The following ST3GAL1 variants were observed in gnomAD, a reference collection of about 807,000 sequenced individuals.
The protein encoded by ST3GAL1 is ST3 beta-galactoside alpha-2,3-sialyltransferase 1.
In ST3GAL1, 16 loss-of-function variants were observed where a neutral mutation model predicts 34.1. That is an observed-to-expected ratio of 0.47 (90% CI 0.32 to 0.71). The LOEUF is 0.71. ST3GAL1 is among the 30% of genes least tolerant of loss of function. ST3GAL1 has a pLI of 0.04. For synonymous variants in ST3GAL1, 191 were observed against 184.7 expected, an observed-to-expected ratio of 1.03 and a Z score of -0.28; for missense variants, 353 against 447.4, an observed-to-expected ratio of 0.79 and a Z score of 1.90.
intron 1 of ST3GAL1, among the ~76,000 whole-genome samples, chr8:133,565,662 C>T (rs1291916182): frequency 2.0e-5 from 3 of 152,214 alleles, no homozygotes; most frequent in Non-Finnish European, 4.4e-5. Flanking sequence ...AAAGTAGATG[C>T]TACTAAAATT....
At position 133,547,716 on chromosome 8, in the gene ST3GAL1, C is replaced by T. The variant is rs140558735; in HGVS notation, c.-581-1790G>A. On this transcript the variant is annotated intron_variant, in intron 1 of 9. Transcript: ENST00000522652. ...GAAATCATAAATGTCTGTTTGTAGG[C>T]ACTGGGGTTTGGGGCTGTTTGTTAT... 7.3e-3 allele frequency among the ~76,000 whole-genome samples: 1,114 copies of T among 152,324 alleles called. 9 individuals carry two copies. Among genetic ancestry groups the T allele is most frequent in the Middle Eastern group, 0.034 (10 of 294 alleles).
At chr8:133,531,806 TAAAAACAGA>T (rs757618651) in intron 2 of ST3GAL1, among the ~76,000 whole-genome samples, 84 of 105,064 alleles carry the variant, frequency 8.0e-4, no homozygotes, top group East Asian at 1.8e-3. Context: ...TCCCGAAACT[TAAAAACAGA>T]AAAAAAAAAA....
intron 3 of ST3GAL1, among the ~76,000 whole-genome samples, chr8:133,490,659 G>A (rs145584033): frequency 3.0e-3 from 453 of 152,360 alleles, no homozygotes; most frequent in African/African-American, 9.6e-3. Context: ...TGATGATGGA[G>A]ACGCTGGTAT....
chr8:133,463,140 C>T (rs1327144795), intron 8 of ST3GAL1, among the ~76,000 whole-genome samples: 1 of 152,240 alleles, frequency 6.6e-6, no homozygotes, highest in Non-Finnish European at 1.5e-5. Context: ...GAATGCGGGG[C>T]AGCCAGGGTT....
intron 2 of ST3GAL1, among the ~76,000 whole-genome samples, chr8:133,544,925 G>T (rs140812821): frequency 1.3e-3 from 204 of 152,276 alleles, no homozygotes; most frequent in African/African-American, 4.7e-3. Context: ...CTGCAGTGAT[G>T]GCAATCATGC....
chr8:133,497,456 A>ATTT (rs1159737986), intron 3 of ST3GAL1, among the ~76,000 whole-genome samples: 14 of 20,430 alleles, frequency 6.9e-4, no homozygotes, highest in Non-Finnish European at 1.2e-3. Flanking sequence ...TTTTGTTGGA[A>ATTT]TTTTTTTTTT....
At chr8:133,550,648 T>C (rs1242873256) in intron 1 of ST3GAL1, among the ~76,000 whole-genome samples, 1 of 152,232 alleles carries the variant, frequency 6.6e-6, no homozygotes, top group Non-Finnish European at 1.5e-5. Flanking sequence ...AGCAGGGAAC[T>C]GCTGGGCTTA....
At chr8:133,534,340 T>C (rs181073666) in intron 2 of ST3GAL1, among the ~76,000 whole-genome samples, 141 of 151,054 alleles carry the variant, frequency 9.3e-4, no homozygotes, top group African/African-American at 3.1e-3. Flanking sequence ...ACATATATTA[T>C]ATAATATTAT....
At chr8:133,546,182 A>G (rs1443308618) in intron 1 of ST3GAL1, among the ~76,000 whole-genome samples, 1 of 152,208 alleles carries the variant, frequency 6.6e-6, no homozygotes, top group South Asian at 2.1e-4. Flanking sequence ...AGAAAAATAC[A>G]CAAACAATTC....
At chr8:133,516,436 A>G (rs1483180970) in intron 2 of ST3GAL1, among the ~76,000 whole-genome samples, 1 of 152,170 alleles carries the variant, frequency 6.6e-6, no homozygotes, top group Non-Finnish European at 1.5e-5. Flanking sequence ...ATTCCTTTAC[A>G]GCAATGCAGA....
intron 1 of ST3GAL1, among the ~76,000 whole-genome samples, chr8:133,549,532 ACT>A (rs1324762086): frequency 5.3e-5 from 8 of 152,094 alleles, no homozygotes; most frequent in African/African-American, 1.4e-4. Flanking sequence ...AAAGCCTAAG[ACT>A]CTTCATGAAG....
intron 8 of ST3GAL1, 111 bp downstream of exon 8, chr8:133,463,303 C>T (rs902721588): frequency 2.0e-5 from 25 of 1,235,358 alleles, no homozygotes; most frequent in Non-Finnish European, 2.5e-5. Flanking sequence ...ATGCTACCTC[C>T]AGCGGCCTGG....
rs1055072935 is a variant in ST3GAL1, at chr8:133,508,945, C to T, written c.-428-9756G>A. On this transcript the variant is annotated intron_variant, in intron 2 of 9. Transcript: ENST00000522652. This position sits in a 1 kb window ranked among gnomAD's most constrained non-coding sequence, Gnocchi z 4.1. ...TGCTTTGAGTAATGAAGTCCCTTGTCTCTGATCCAGGAAGCTCCTGTCTTC... is the reference window on the plus strand; with the variant it reads ...TGCTTTGAGTAATGAAGTCCCTTGTTTCTGATCCAGGAAGCTCCTGTCTTC... Among the ~76,000 whole-genome samples the T allele has an allele frequency of 2.0e-5, 3 of 152,144 alleles. No individual in the cohort carries two copies. The highest frequency in any genetic ancestry group is 2.0e-4 in the Admixed American group (3 of 15,270).
At chr8:133,546,435 A>C (rs943929552) in intron 1 of ST3GAL1, among the ~76,000 whole-genome samples, 1 of 150,746 alleles carries the variant, frequency 6.6e-6, no homozygotes, top group African/African-American at 2.4e-5. Context: ...GTGAGCCCAG[A>C]TCGTGCCACT....
chr8:133,543,669 T>C (rs1487178903), intron 2 of ST3GAL1, among the ~76,000 whole-genome samples: 1 of 152,164 alleles, frequency 6.6e-6, no homozygotes, highest in Non-Finnish European at 1.5e-5. Context: ...ATATATTACT[T>C]AGTGCATTGT....
In ST3GAL1 at chr8:133,466,079, C is replaced by T. The variant is rs1326624475; in HGVS notation, c.318G>A (p.Arg106=). ...DTYRWWLRLQ[R]EKKPNNLNDT... is the part of the protein sequence containing the mutation. ...CATTCAAGTTATTGGGCTTCTTCTC[C>T]CGCTGGAGCCTCTGTGGGCGGAGGA... is the stretch of plus-strand genomic sequence containing the variant. The change falls in exon 6 of 10, where the codon CGG becomes CGA. Residue 106 remains arginine, a synonymous_variant. Coordinates refer to ENST00000522652, the MANE Select transcript of ST3GAL1 (RefSeq NM_173344.3). This position sits in a 1 kb window ranked among gnomAD's most constrained non-coding sequence, Gnocchi z 4.4. 6.2e-7 allele frequency: 1 copy of T among 1,612,020 alleles called. No homozygotes were observed. Among genetic ancestry groups the T allele is most frequent in the Admixed American group, 1.7e-5 (1 of 59,918 alleles).
intron 2 of ST3GAL1, among the ~76,000 whole-genome samples, chr8:133,535,249 CTA>C (rs1372695108): frequency 2.0e-5 from 3 of 152,226 alleles, no homozygotes; most frequent in African/African-American, 7.2e-5. Context: ...TACATTATAT[CTA>C]TATCTATATC....
Position 133,571,807 on chromosome 8 carries a change from T to TC in ST3GAL1, c.-697dup, listed in dbSNP as rs1471875598. The TC allele has an allele frequency of 1.3e-5, 2 of 153,962 alleles. No individual in the cohort carries two copies. The highest frequency in any genetic ancestry group is 2.9e-5 in the Non-Finnish European group (2 of 69,394). The allele number at this position is 153,962 out of a possible 1,614,324, so 9.5% of individuals were successfully genotyped here. On this transcript the variant is annotated 5_prime_UTR_variant, in exon 1 of 10. Coordinates refer to ENST00000522652, the MANE Select transcript of ST3GAL1 (RefSeq NM_173344.3). This position sits in a 1 kb window ranked among gnomAD's most constrained non-coding sequence, Gnocchi z 6.7. The stretch of plus-strand genomic sequence containing the variant: ...CCCCTTCCCAGCTCACATCGCCTCT[T>TC]CCTTCTCTCTCCGCTCTTCTTCCTC...
At chr8:133,483,480 AG>A (rs1187417985) in intron 3 of ST3GAL1, among the ~76,000 whole-genome samples, 1 of 152,226 alleles carries the variant, frequency 6.6e-6, no homozygotes, top group Non-Finnish European at 1.5e-5. Context: ...CTAAGCTTCA[AG>A]GTCCTCATTT....
Sources: allele counts gnomAD v4.1 joint callset (sites outside exome capture counted in the v4.1 genomes callset), GRCh38; gene constraint gnomAD v4.1.1; non-coding constraint Gnocchi (gnomAD v3.1); transcripts MANE v1.5; gene names NCBI Gene and HGNC (gene_info 2026-07-23, HGNC 2026-07-21).